The following HIPK2 variants were observed in gnomAD, a reference collection of about 807,000 sequenced individuals.
HIPK2 encodes the protein homeodomain-interacting protein kinase 2.
In HIPK2, 27 loss-of-function variants were observed where a neutral mutation model predicts 113.7. The ratio of observed to expected loss-of-function variants is 0.24; its 90% CI spans 0.17 to 0.33. The LOEUF (loss-of-function observed/expected upper bound fraction) is 0.33, where lower values mean the gene tolerates loss of function less well. Among genes scored for constraint, HIPK2 ranks in the 10% least tolerant of loss-of-function variants. HIPK2 has a pLI of 1.00. For missense variants in HIPK2, 1,257 were observed against 1,588.0 expected (o/e 0.79, Z 3.54); for synonymous variants, 631 against 642.2 (o/e 0.98, Z 0.26).
At chr7:139,588,503 C>T (rs1233059307) in intron 12 of HIPK2, among the ~76,000 whole-genome samples, 1 of 132,702 alleles carries the variant, frequency 7.5e-6, no homozygotes, top group African/African-American at 3.2e-5. Flanking sequence ...GTGACACAGC[C>T]AGACTGTCTT....
chr7:139,598,291 C>A (rs1226456964), intron 11 of HIPK2, among the ~76,000 whole-genome samples: 1 of 152,148 alleles, frequency 6.6e-6, no homozygotes, highest in East Asian at 1.9e-4. Context: ...AAAGGGATGG[C>A]AGTAAAATGA....
At chr7:139,664,657 C>T (rs1172463505) in intron 2 of HIPK2, among the ~76,000 whole-genome samples, 1 of 152,218 alleles carries the variant, frequency 6.6e-6, no homozygotes, top group East Asian at 1.9e-4. Flanking sequence ...AGGGCCACCT[C>T]CGCTGGTCTC....
chr7:139,715,211 T>C (rs568453894), intron 2 of HIPK2, among the ~76,000 whole-genome samples: 1 of 152,172 alleles, frequency 6.6e-6, no homozygotes, highest in East Asian at 1.9e-4. Flanking sequence ...GTTGAATGAC[T>C]GCATGTGTGA....
chr7:139,721,945 T>G (rs1795423149), intron 1 of HIPK2: 1 of 313,460 alleles, frequency 3.2e-6, no homozygotes, highest in Admixed American at 3.6e-5. Flanking sequence ...CACATTTTCA[T>G]TCACTAAAGG....
At chr7:139,720,430 C>T (rs896500606) in intron 1 of HIPK2, among the ~76,000 whole-genome samples, 5 of 152,206 alleles carry the variant, frequency 3.3e-5, no homozygotes, top group Non-Finnish European at 2.9e-5. Flanking sequence ...CCTCCATCTA[C>T]GCACTGTGAC....
At chr7:139,601,069 C>G (rs1166267583) in intron 10 of HIPK2, among the ~76,000 whole-genome samples, 1 of 151,954 alleles carries the variant, frequency 6.6e-6, no homozygotes, top group Non-Finnish European at 1.5e-5. Flanking sequence ...ATGGCAAAAC[C>G]CCCTTTCTAC....
intron 2 of HIPK2, among the ~76,000 whole-genome samples, chr7:139,640,990 C>A (rs1056920844): frequency 6.6e-6 from 1 of 152,184 alleles, no homozygotes; most frequent in Non-Finnish European, 1.5e-5. Flanking sequence ...ATACACTAAA[C>A]AACTGTTTCA....
intron 2 of HIPK2, among the ~76,000 whole-genome samples, chr7:139,636,888 C>T (rs868653861): frequency 6.6e-6 from 1 of 152,188 alleles, no homozygotes; most frequent in Non-Finnish European, 1.5e-5. Context: ...CCTGGTATTG[C>T]CTCTGGAATG....
At chr7:139,674,434 G>A (rs373225407) in intron 2 of HIPK2, among the ~76,000 whole-genome samples, 2 of 152,214 alleles carry the variant, frequency 1.3e-5, no homozygotes, top group South Asian at 2.1e-4. Context: ...TCAGAAGAGC[G>A]CAAATCCATC....
At chr7:139,684,007 C>T (rs1010267584) in intron 2 of HIPK2, among the ~76,000 whole-genome samples, 5 of 151,874 alleles carry the variant, frequency 3.3e-5, no homozygotes, top group African/African-American at 4.8e-5. Flanking sequence ...TGCATCGAGC[C>T]GGTCTATCAG....
chr7:139,650,494 G>T (rs1369431920), intron 2 of HIPK2, among the ~76,000 whole-genome samples: 1 of 151,104 alleles, frequency 6.6e-6, no homozygotes, highest in South Asian at 2.1e-4. Context: ...CTATTCTCAG[G>T]GTTGGACCAT....
chr7:139,654,859 T>C (rs1032306802), intron 2 of HIPK2, among the ~76,000 whole-genome samples: 3 of 152,208 alleles, frequency 2.0e-5, no homozygotes, highest in Non-Finnish European at 4.4e-5. Flanking sequence ...TTGGGAACAG[T>C]TTAAATCAAG....
chr7:139,689,704 T>C (rs1393015068), intron 2 of HIPK2, among the ~76,000 whole-genome samples: 1 of 152,208 alleles, frequency 6.6e-6, no homozygotes, highest in Non-Finnish European at 1.5e-5. Context: ...CCAAGGGTCA[T>C]ATCTGGCCCT....
At chr7:139,618,437 C>G (rs971699265) in intron 7 of HIPK2, among the ~76,000 whole-genome samples, 1 of 152,106 alleles carries the variant, frequency 6.6e-6, no homozygotes, top group Non-Finnish European at 1.5e-5. Flanking sequence ...GTCATTTTCC[C>G]TTACCCACGA....
In HIPK2 at chr7:139,715,955, G is replaced by C. The variant is rs775865222; in HGVS notation, c.1080C>G (p.Thr360=). Residue 360 remains threonine (T), a synonymous_variant, in exon 2 of 15, where the codon ACC becomes ACG. Coordinates refer to ENST00000406875, the MANE Select transcript of HIPK2 (RefSeq NM_022740.5). ...ACCTGTAATATCTGGACTGCAAGTA[G>C]GTGGAGCACACAGCCTTGGAGACGT... ...ASHVSKAVCS[T]YLQSRYYRAP... 6.2e-7 allele frequency: 1 copy of C among 1,614,124 alleles called. No individual in the cohort carries two copies. The highest frequency in any genetic ancestry group is 1.1e-5 in the South Asian group (1 of 91,074).
chr7:139,629,533 T>C (rs1800542265), intron 4 of HIPK2, among the ~76,000 whole-genome samples: 3 of 152,198 alleles, frequency 2.0e-5, no homozygotes, highest in Admixed American at 2.0e-4. Context: ...ATTTTCCAGA[T>C]GGGGAAACAG....
At chr7:139,586,849 TG>T in intron 12 of HIPK2, among the ~76,000 whole-genome samples, 1 of 152,198 alleles carries the variant, frequency 6.6e-6, no homozygotes, top group East Asian at 1.9e-4. Flanking sequence ...ACAAATAGTT[TG>T]TTTGAGTCTA....
intron 5 of HIPK2, 56 bp downstream of exon 5, chr7:139,628,897 T>C: frequency 1.4e-6 from 2 of 1,439,810 alleles, no homozygotes; most frequent in Non-Finnish European, 1.9e-6. Context: ...ATTGCAGAAG[T>C]CTTGCTGCCC....
intron 2 of HIPK2, among the ~76,000 whole-genome samples, chr7:139,636,202 T>C (rs910918494): frequency 6.6e-6 from 1 of 152,036 alleles, no homozygotes; most frequent in South Asian, 2.1e-4. Flanking sequence ...ACACTTATTC[T>C]TGGTTTTCAT....
Sources: allele counts gnomAD v4.1 joint callset (sites outside exome capture counted in the v4.1 genomes callset), GRCh38; gene constraint gnomAD v4.1.1; transcripts MANE v1.5; gene names NCBI Gene and HGNC (gene_info 2026-07-23, HGNC 2026-07-21).